POGZ: variants seen among roughly 807,000 people sequenced by gnomAD.
The protein encoded by POGZ is pogo transposable element with ZNF domain.
Under a neutral mutation model 134.6 loss-of-function variants are expected in POGZ, and 17 were observed. The ratio of observed to expected loss-of-function variants is 0.13; its 90% CI spans 0.09 to 0.19. POGZ has a LOEUF of 0.19. POGZ is among the 10% of genes least tolerant of loss of function. The pLI is 1.00. For synonymous variants in POGZ, 693 were observed against 657.1 expected, an observed-to-expected ratio of 1.05 and a Z score of -0.84; for missense variants, 1,306 against 1,769.7, an observed-to-expected ratio of 0.74 and a Z score of 4.70.
At chr1:151,410,054 G>A (rs980154629) in intron 12 of POGZ, among the ~76,000 whole-genome samples, 8 of 152,166 alleles carry the variant, frequency 5.3e-5, no homozygotes, top group Admixed American at 5.2e-4. Context: ...GTGTGCATAT[G>A]TATGTGACTA....
In POGZ at chr1:151,404,646, C is replaced by T. The variant is rs1653238993; in HGVS notation, c.*156G>A. 1 of 1,383,822 alleles carries T rather than the reference C, an allele frequency of 7.2e-7. No individual in the cohort carries two copies. The highest frequency in any genetic ancestry group is 3.3e-5 in the Admixed American group (1 of 30,458). The allele number at this position is 1,383,822 out of a possible 1,614,324, so 85.7% of individuals were successfully genotyped here. A position where few individuals can be genotyped will look rare whatever the true frequency, so the allele number is the denominator to read the frequency against. On this transcript the variant is annotated 3_prime_UTR_variant, in exon 19 of 19. Coordinates refer to ENST00000271715, the MANE Select transcript of POGZ (RefSeq NM_015100.4). ...TTTTCCTAATTAATCCACAAATCCA[C>T]AGGGAAGTGTAAGTCAACTTCAGGG...
chr1:151,417,453 C>T (rs894547187), intron 10 of POGZ, among the ~76,000 whole-genome samples: 16 of 151,830 alleles, frequency 1.1e-4, no homozygotes, highest in African/African-American at 3.4e-4. Flanking sequence ...CTCCGCCTCC[C>T]GGGTTCAAGC....
chr1:151,449,860 CTGGGAGACAG>C (rs1214422635), intron 1 of POGZ, among the ~76,000 whole-genome samples: 5 of 152,192 alleles, frequency 3.3e-5, no homozygotes, highest in Admixed American at 6.5e-5. Flanking sequence ...GCACTCCAGC[CTGGGAGACAG>C]TGCGAGACTC....
chr1:151,443,144 T>C (rs923110553), intron 1 of POGZ, among the ~76,000 whole-genome samples: 1 of 152,220 alleles, frequency 6.6e-6, no homozygotes, highest in African/African-American at 2.4e-5. Flanking sequence ...TTAAAATAGA[T>C]ATTCTGTTCA....
At chr1:151,409,937 G>T (rs1312655225) in intron 12 of POGZ, among the ~76,000 whole-genome samples, 1 of 152,142 alleles carries the variant, frequency 6.6e-6, no homozygotes, top group Non-Finnish European at 1.5e-5. Flanking sequence ...GTAAGCTTAG[G>T]CTAAGAGACA....
intron 2 of POGZ, 38 bp from the exon 3 acceptor site, chr1:151,441,124 G>A (rs551756773): frequency 6.4e-7 from 1 of 1,565,948 alleles, no homozygotes; most frequent in South Asian, 1.1e-5. Flanking sequence ...TGGAGACAGG[G>A]ACAGATGACA....
chr1:151,438,679 A>C (rs1571518887), intron 3 of POGZ, among the ~76,000 whole-genome samples: 2 of 152,168 alleles, frequency 1.3e-5, no homozygotes. Context: ...GGAGTTTGAG[A>C]CCAGCCTGGG....
At position 151,404,901 on chromosome 1, in the gene POGZ, T is replaced by G; in HGVS notation, c.4134A>C (p.Thr1378=). Reference sequence around the variant, plus strand: ...GCTGGTGAAGACTTTCAGGCTCAATTGTCTCTTCAGGAGATGATCTGGGTC... The same window carrying G: ...GCTGGTGAAGACTTTCAGGCTCAATGGTCTCTTCAGGAGATGATCTGGGTC... ...TPRPRSSPEE[T]IEPESLHQLF... Residue 1378 remains threonine (T), a synonymous_variant, in exon 19 of 19, where the codon ACA becomes ACC. Transcript: ENST00000271715. 6.2e-7 allele frequency: 1 copy of G among 1,614,180 alleles called. No homozygotes were observed. The highest frequency in any genetic ancestry group is 8.5e-7 in the Non-Finnish European group (1 of 1,180,036).
At chr1:151,442,391 C>A (rs1396470817) in intron 1 of POGZ, 186 bp from the exon 2 acceptor site, 1 of 440,542 alleles carries the variant, frequency 2.3e-6, no homozygotes, top group Non-Finnish European at 4.0e-6. Context: ...ATATTAGAAT[C>A]CATTCCACAG....
At chr1:151,458,426 G>A (rs1047060663) in intron 1 of POGZ, among the ~76,000 whole-genome samples, 1 of 152,056 alleles carries the variant, frequency 6.6e-6, no homozygotes, top group Non-Finnish European at 1.5e-5. Flanking sequence ...TCGTAAACTA[G>A]CTGCAGTGCA....
At chr1:151,458,626 C>G (rs904167085) in intron 1 of POGZ, among the ~76,000 whole-genome samples, 3 of 147,110 alleles carry the variant, frequency 2.0e-5, no homozygotes, top group Admixed American at 2.0e-4. Flanking sequence ...CCCTCCGCCG[C>G]ACGGCCTCGC....
Position 151,403,726 on chromosome 1 carries a change from G to C in POGZ, c.*1076C>G, listed in dbSNP as rs749073596. 4.5e-5 allele frequency: 44 copies of C among 985,712 alleles called. No individual in the cohort carries two copies. Among genetic ancestry groups the C allele is most frequent in the Non-Finnish European group, 5.1e-5 (42 of 829,944 alleles). 61.1% of individuals were successfully genotyped at this position (985,712 alleles called of 1,614,324 possible). A position where few individuals can be genotyped will look rare whatever the true frequency, so the allele number is the denominator to read the frequency against. ...TAGGGGAAAGCCACAGAGCACGCTG[G>C]ATTTCAACAAGTGGTCTTGTCTTTT... On this transcript the variant is annotated 3_prime_UTR_variant, in exon 19 of 19. Transcript: ENST00000271715.
intron 3 of POGZ, chr1:151,440,714 C>G (rs1312773286): frequency 2.8e-6 from 1 of 361,252 alleles, no homozygotes; most frequent in Admixed American, 4.6e-5. Flanking sequence ...ACTGCTCTCT[C>G]ACTTGAAACA....
chr1:151,439,543 T>C (rs1018746242), intron 3 of POGZ, among the ~76,000 whole-genome samples: 31 of 152,200 alleles, frequency 2.0e-4, no homozygotes, highest in African/African-American at 7.0e-4. Context: ...ATCTCACCTC[T>C]AAGACTTTAT....
At chr1:151,440,757 TA>T in intron 3 of POGZ, 170 bp downstream of exon 3, 1 of 532,032 alleles carries the variant, frequency 1.9e-6, no homozygotes, top group East Asian at 2.9e-5. Flanking sequence ...TTAGAAGGAA[TA>T]GCACCATCTA....
In POGZ at chr1:151,423,335, C is replaced by T. The variant is rs192420805; in HGVS notation, c.1678+62G>A. On this transcript the variant is annotated intron_variant, in intron 10 of 18. Coordinates refer to ENST00000271715, the MANE Select transcript of POGZ (RefSeq NM_015100.4). The stretch of plus-strand genomic sequence containing the variant: ...AATAAATATAATGGGCTCCCCCCAG[C>T]GCCATTCAATGAGTGAACAGCAAGG... 4.8e-4 allele frequency: 658 copies of T among 1,362,752 alleles called. 1 individual carries two copies. The East Asian group carries it at 0.01, about 21-fold the overall frequency. 84.4% of individuals were successfully genotyped at this position (1,362,752 alleles called of 1,614,324 possible).
At chr1:151,453,910 G>T (rs531882442) in intron 1 of POGZ, among the ~76,000 whole-genome samples, 151 of 152,252 alleles carry the variant, frequency 9.9e-4, no homozygotes, top group African/African-American at 3.4e-3. Context: ...GCAGCAAAAA[G>T]AATCCTGCAG....
intron 3 of POGZ, among the ~76,000 whole-genome samples, chr1:151,433,370 G>A (rs1659034221): frequency 6.6e-6 from 1 of 152,148 alleles, no homozygotes; most frequent in South Asian, 2.1e-4. Context: ...CATTTTGGGA[G>A]GCTGAGGTGG....
At chr1:151,447,025 A>G (rs1246672532) in intron 1 of POGZ, among the ~76,000 whole-genome samples, 1 of 152,096 alleles carries the variant, frequency 6.6e-6, no homozygotes, top group Non-Finnish European at 1.5e-5. Context: ...AATCTCTAAA[A>G]CATCATATTC....
Sources: gnomAD v4.1 joint callset for allele counts (sites outside exome capture counted in the v4.1 genomes callset) on GRCh38, gnomAD v4.1.1 for gene constraint, MANE v1.5 for transcripts, NCBI Gene and HGNC (gene_info 2026-07-23, HGNC 2026-07-21) for gene names.